The following IQGAP1 variants were observed in gnomAD, a reference collection of about 807,000 sequenced individuals.
The protein encoded by IQGAP1 is ras GTPase-activating-like protein IQGAP1.
Under a neutral mutation model 215.6 loss-of-function variants are expected in IQGAP1, and 66 were observed. That is an observed-to-expected ratio of 0.31 (90% CI 0.25 to 0.38). IQGAP1 has a LOEUF of 0.38. Among genes scored for constraint, IQGAP1 ranks in the 10% least tolerant of loss-of-function variants. IQGAP1 has a pLI of 1.00. For synonymous variants in IQGAP1, 772 were observed against 728.7 expected, an observed-to-expected ratio of 1.06 and a Z score of -0.96; for missense variants, 1,712 against 1,997.1, an observed-to-expected ratio of 0.86 and a Z score of 2.72.
intron 2 of IQGAP1, among the ~76,000 whole-genome samples, chr15:90,419,113 C>A (rs1430004355): frequency 6.7e-6 from 1 of 149,084 alleles, no homozygotes; most frequent in Non-Finnish European, 1.5e-5. Context: ...CATGATCACA[C>A]CACTACATAG....
At chr15:90,428,371 C>G (rs1406504573) in intron 3 of IQGAP1, among the ~76,000 whole-genome samples, 1 of 152,110 alleles carries the variant, frequency 6.6e-6, no homozygotes, top group African/African-American at 2.4e-5. Context: ...GCCACTGTGC[C>G]CAGCCCTTTG....
At chr15:90,395,729 G>T (rs1264356335) in intron 2 of IQGAP1, among the ~76,000 whole-genome samples, 1 of 152,204 alleles carries the variant, frequency 6.6e-6, no homozygotes, top group Non-Finnish European at 1.5e-5. Flanking sequence ...ACAGGAGGAA[G>T]TAACAGATCA....
intron 2 of IQGAP1, among the ~76,000 whole-genome samples, chr15:90,412,847 T>C (rs185546744): frequency 1.3e-5 from 2 of 152,286 alleles, no homozygotes; most frequent in Admixed American, 6.5e-5. Flanking sequence ...AGGAACTGAA[T>C]CTCAGTGGCT....
chr15:90,468,371 A>G (rs926777177), intron 18 of IQGAP1, among the ~76,000 whole-genome samples: 49 of 152,176 alleles, frequency 3.2e-4, no homozygotes, highest in South Asian at 2.1e-4. Context: ...AGCCCATTCA[A>G]CAGTTATTTG....
chr15:90,467,434 C>G lies in IQGAP1; in HGVS notation c.2036-16C>G, dbSNP rs375403361. The stretch of plus-strand genomic sequence containing the variant: ...TGGCTCTGGATGTCTTCTATCTTTC[C>G]TTTATTTTCTGCCAGGAGATAATAA... On this transcript the variant is annotated splice_polypyrimidine_tract_variant and intron_variant, in intron 17 of 37. Coordinates refer to ENST00000268182, the MANE Select transcript of IQGAP1 (RefSeq NM_003870.4). The G allele has an allele frequency of 1.1e-4, 173 of 1,604,150 alleles. 1 individual carries two copies. The African/African-American group carries it at 2.2e-3, about 20-fold the overall frequency.
intron 26 of IQGAP1, among the ~76,000 whole-genome samples, chr15:90,479,109 A>C (rs1435361518): frequency 6.6e-6 from 1 of 152,202 alleles, no homozygotes; most frequent in Non-Finnish European, 1.5e-5. Context: ...TAGATCATGC[A>C]TGAAGCTCTC....
Position 90,441,685 on chromosome 15 carries a change from G to C in IQGAP1, c.828+1G>C. 1 of 1,591,002 alleles carries C rather than the reference G, an allele frequency of 6.3e-7. No homozygotes were observed. Among genetic ancestry groups the C allele is most frequent in the Non-Finnish European group, 8.6e-7 (1 of 1,165,334 alleles). ...CAAAATGACAAATGCTAAAAACAGG[G>C]TAAAAATGCAACATCTATTCTTTCT... On this transcript the variant is annotated splice_donor_variant, in intron 8 of 37. Coordinates refer to ENST00000268182, the MANE Select transcript of IQGAP1 (RefSeq NM_003870.4). LOFTEE classifies it high-confidence loss of function.
chr15:90,456,958 TATATATAC>T (rs1277270432), intron 15 of IQGAP1, among the ~76,000 whole-genome samples: 7 of 129,718 alleles, frequency 5.4e-5, no homozygotes, highest in Non-Finnish European at 6.2e-5. Context: ...ATAATATACG[TATATATAC>T]ATATATACGA....
chr15:90,473,369 T>C (rs1191005889), intron 19 of IQGAP1, among the ~76,000 whole-genome samples: 3 of 152,146 alleles, frequency 2.0e-5, no homozygotes, highest in Admixed American at 6.5e-5. Flanking sequence ...TGCCAGACAG[T>C]GGTGAATCTC....
intron 4 of IQGAP1, 95 bp downstream of exon 4, chr15:90,429,761 C>T: frequency 1.4e-6 from 1 of 697,538 alleles, no homozygotes; most frequent in Non-Finnish European, 2.4e-6. Context: ...AAATTATTCT[C>T]AGAATCTTTG....
chr15:90,423,239 G>C (rs538943885), intron 2 of IQGAP1, among the ~76,000 whole-genome samples: 1 of 152,164 alleles, frequency 6.6e-6, no homozygotes, highest in South Asian at 2.1e-4. Context: ...GTTTGGTCCT[G>C]ATTTGTTCGT....
chr15:90,472,859 C>T lies in IQGAP1; in HGVS notation c.2198C>T (p.Thr733Ile). The T allele has an allele frequency of 6.2e-7, 1 of 1,612,220 alleles. No individual in the cohort carries two copies. Among genetic ancestry groups the T allele is most frequent in the Non-Finnish European group, 8.5e-7 (1 of 1,178,800 alleles). Residue 733 changes from threonine to isoleucine, a missense_variant, in exon 19 of 38, where the codon ACT (threonine) becomes ATT (isoleucine). Around this residue, in one of 2 missense-constraint regions of IQGAP1, gnomAD observed 1,021 missense variants for 1,074.2 expected, o/e 0.95. Coordinates refer to ENST00000268182, the MANE Select transcript of IQGAP1 (RefSeq NM_003870.4). ...EEIQSSISGV[T>I]AAYNREQLWL... The stretch of plus-strand genomic sequence containing the variant: ...TTTCAGAGTTCTATCTCTGGGGTGA[C>T]TGCCGCATATAACCGAGAACAGCTG...
chr15:90,460,075 G>A lies in IQGAP1; in HGVS notation c.1776+3760G>A, dbSNP rs567476240. ...CAGTACTGTGTAGGAAAGGGGTCCC[G>A]ATGCAGACCCCAAGAGATGGTTCTT... On this transcript the variant is annotated intron_variant, in intron 15 of 37. Coordinates refer to ENST00000268182, the MANE Select transcript of IQGAP1 (RefSeq NM_003870.4). Among the ~76,000 whole-genome samples, 36 of 152,124 alleles carry A rather than the reference G, an allele frequency of 2.4e-4. 1 individual carries two copies. The highest frequency in any genetic ancestry group is 8.2e-4 in the African/African-American group (34 of 41,478).
intron 37 of IQGAP1, among the ~76,000 whole-genome samples, chr15:90,499,122 G>A (rs1455827730): frequency 6.6e-6 from 1 of 152,106 alleles, no homozygotes; most frequent in Non-Finnish European, 1.5e-5. Flanking sequence ...GGCCTTGTGG[G>A]GTCCTTTCAA....
At chr15:90,494,475 T>C in intron 35 of IQGAP1, 1 of 285,736 alleles carries the variant, frequency 3.5e-6, no homozygotes, top group Non-Finnish European at 6.6e-6. Context: ...GTTAAATTCA[T>C]GGGAGTGTTC....
intron 3 of IQGAP1, 70 bp downstream of exon 3, chr15:90,426,336 AAG>A: frequency 6.6e-7 from 1 of 1,515,806 alleles, no homozygotes; most frequent in Non-Finnish European, 8.9e-7. Context: ...TATTTTGTGT[AAG>A]AGTTATTGAG....
At chr15:90,436,288 A>G (rs1965369891) in intron 5 of IQGAP1, among the ~76,000 whole-genome samples, 1 of 152,120 alleles carries the variant, frequency 6.6e-6, no homozygotes, top group Non-Finnish European at 1.5e-5. Context: ...GATTGGATTG[A>G]GGATGCTGCC....
intron 3 of IQGAP1, among the ~76,000 whole-genome samples, 154 bp from the exon 4 acceptor site, chr15:90,429,435 G>C (rs1219058264): frequency 2.0e-5 from 3 of 152,144 alleles, no homozygotes; most frequent in Non-Finnish European, 4.4e-5. Context: ...GCTGAGATGT[G>C]GATTTGGCTT....
chr15:90,448,512 A>G (rs1965555316), intron 9 of IQGAP1, 61 bp from the exon 10 acceptor site: 40 of 1,435,120 alleles, frequency 2.8e-5, no homozygotes, highest in Non-Finnish European at 3.6e-5. Context: ...GGGGAAGGAA[A>G]ACTATTCTAG....
Sources: gnomAD v4.1 joint callset for allele counts (sites outside exome capture counted in the v4.1 genomes callset) on GRCh38, gnomAD v4.1.1 for gene constraint, gnomAD v4.1.1 regional missense constraint, MANE v1.5 for transcripts, NCBI Gene and HGNC (gene_info 2026-07-23, HGNC 2026-07-21) for gene names.